IL10RB: variants seen among roughly 807,000 people sequenced by gnomAD.
IL10RB encodes the protein interleukin-10 receptor subunit beta.
Under a neutral mutation model 38.7 loss-of-function variants are expected in IL10RB, and 30 were observed. The observed-to-expected ratio is 0.78, with a 90% CI of 0.58 to 1.05. The LOEUF (loss-of-function observed/expected upper bound fraction) is 1.05. Among genes scored for constraint, IL10RB ranks in the 50% least tolerant of loss-of-function variants. The pLI is 0.00. For synonymous variants in IL10RB, 142 were observed against 145.9 expected (o/e 0.97, Z 0.19); for missense variants, 328 against 397.1 (o/e 0.83, Z 1.48).
intron 3 of IL10RB, among the ~76,000 whole-genome samples, chr21:33,277,282 C>T (rs1462599007): frequency 6.6e-6 from 1 of 150,992 alleles, no homozygotes; most frequent in East Asian, 1.9e-4. Context: ...TTGCAGTGAG[C>T]CGAGATCACG....
chr21:33,291,734 C>T (rs2843700), intron 6 of IL10RB, among the ~76,000 whole-genome samples: 66,541 of 152,006 alleles, frequency 0.44, 15,226 homozygotes, highest in Non-Finnish European at 0.51. Context: ...CTGCCCCTTC[C>T]AGAGTGGTGC....
At chr21:33,268,140 T>G in intron 1 of IL10RB, 1 of 1,193,530 alleles carries the variant, frequency 8.4e-7, no homozygotes, top group South Asian at 1.6e-5. Context: ...CCCTCATAGC[T>G]TTCTGCCACC....
downstream of IL10RB, among the ~76,000 whole-genome samples, chr21:33,301,946 C>T (rs546937236): frequency 1.3e-5 from 2 of 152,308 alleles, no homozygotes; most frequent in African/African-American, 4.8e-5. Flanking sequence ...TAATCCCTTC[C>T]TCTTGAGTGT....
In IL10RB at chr21:33,276,699, T is replaced by A; in HGVS notation, c.277T>A (p.Phe93Ile). The change falls in exon 3 of 7, where the codon TTT (phenylalanine) becomes ATT (isoleucine). Residue 93 changes from phenylalanine (F) to isoleucine (I), a missense_variant. Phe to Ile is a conservative substitution (Grantham distance 21). Transcript: ENST00000290200. ...CCACACCTTGAGAGTCAGGGCTGAA[T>A]TTGCAGATGAGCATTCAGACTGGGT... ...GDHTLRVRAE[F>I]ADEHSDWVNI... 6.2e-7 allele frequency: 1 copy of A among 1,614,068 alleles called. No individual in the cohort carries two copies. Among genetic ancestry groups the A allele is most frequent in the Non-Finnish European group, 8.5e-7 (1 of 1,179,900 alleles).
At chr21:33,288,934 A>G (rs1989431933) in intron 6 of IL10RB, among the ~76,000 whole-genome samples, 1 of 152,202 alleles carries the variant, frequency 6.6e-6, no homozygotes, top group Non-Finnish European at 1.5e-5. Flanking sequence ...TAAGATAGAG[A>G]TTTGTATTCA....
chr21:33,297,846 AAAAAG>A (rs1402714416), downstream of IL10RB, among the ~76,000 whole-genome samples: 6 of 152,086 alleles, frequency 3.9e-5, no homozygotes, highest in East Asian at 7.7e-4. Context: ...AGGAAAGAAA[AAAAAG>A]AAAAGAAAGA....
intron 6 of IL10RB, among the ~76,000 whole-genome samples, chr21:33,294,315 A>T (rs1273327742): frequency 6.6e-6 from 1 of 152,120 alleles, no homozygotes; most frequent in Admixed American, 6.6e-5. Context: ...ACTTTGAGTT[A>T]AAAAAGCACT....
At chr21:33,307,878 A>C (rs1177067592) in intron 1 of IL10RB, among the ~76,000 whole-genome samples, 2 of 152,220 alleles carry the variant, frequency 1.3e-5, no homozygotes, top group Non-Finnish European at 2.9e-5. Flanking sequence ...TGTAGGCTCC[A>C]GGAGAGCACA....
intron 5 of IL10RB, among the ~76,000 whole-genome samples, chr21:33,284,371 A>G (rs1172664978): frequency 6.6e-6 from 1 of 152,122 alleles, no homozygotes; most frequent in African/African-American, 2.4e-5. Flanking sequence ...AACTGACAAA[A>G]TCCAAACATT....
intron 4 of IL10RB, among the ~76,000 whole-genome samples, chr21:33,280,322 A>AGG (rs1450188338): frequency 6.6e-6 from 1 of 152,180 alleles, no homozygotes; most frequent in South Asian, 2.1e-4. Context: ...TCTATTCTTC[A>AGG]GGGGACAATT....
At chr21:33,307,351 G>C (rs2083001305) in intron 1 of IL10RB, among the ~76,000 whole-genome samples, 1 of 152,140 alleles carries the variant, frequency 6.6e-6, no homozygotes, top group South Asian at 2.1e-4. Context: ...TAGCAGTCTT[G>C]CCTGTTCTGG....
chr21:33,271,321 G>T (rs914732579), intron 2 of IL10RB, among the ~76,000 whole-genome samples: 1 of 152,170 alleles, frequency 6.6e-6, no homozygotes, highest in South Asian at 2.1e-4. Context: ...GCACTTCAGA[G>T]GATGTACTGG....
At chr21:33,278,705 G>T (rs927826835) in intron 3 of IL10RB, among the ~76,000 whole-genome samples, 1 of 152,208 alleles carries the variant, frequency 6.6e-6, no homozygotes, top group African/African-American at 2.4e-5. Context: ...TTGGAGATTT[G>T]CCTCTTGAAG....
At chr21:33,306,482 C>G (rs745422270) in intron 1 of IL10RB, among the ~76,000 whole-genome samples, 2 of 151,984 alleles carry the variant, frequency 1.3e-5, no homozygotes, top group Non-Finnish European at 2.9e-5. Flanking sequence ...TTTAAATACT[C>G]GAGGAACCCT....
chr21:33,294,380 T>A (rs545957038), intron 6 of IL10RB, among the ~76,000 whole-genome samples: 1 of 123,814 alleles, frequency 8.1e-6, no homozygotes, highest in East Asian at 2.2e-4. Context: ...TGTGTGTGTG[T>A]GTGTGTGTGC....
chr21:33,306,067 A>T (rs2082998266), intron 1 of IL10RB, among the ~76,000 whole-genome samples: 1 of 152,086 alleles, frequency 6.6e-6, no homozygotes, highest in Non-Finnish European at 1.5e-5. Context: ...TCTGACCTCA[A>T]GTGATCTGCC....
intron 6 of IL10RB, 28 bp from the exon 7 acceptor site, chr21:33,296,156 T>A: frequency 6.3e-7 from 1 of 1,580,118 alleles, no homozygotes; most frequent in Non-Finnish European, 8.7e-7. Context: ...AGAAAATTGA[T>A]CATTAACTGT....
chr21:33,294,244 A>G (rs935355106), intron 6 of IL10RB: 1 of 332,462 alleles, frequency 3.0e-6, no homozygotes. Flanking sequence ...ATAATGATAG[A>G]ATCCATTAAC....
Position 33,268,381 on chromosome 21 carries a change from C to G in IL10RB, c.50-13C>G, listed in dbSNP as rs748735449. On this transcript the variant is annotated splice_polypyrimidine_tract_variant and intron_variant, in intron 1 of 6. Transcript: ENST00000290200. ...GGAGAAAAGTTGTAAATGTTTTTGT[C>G]TTATTTTCATAGCATTGGGAATGGT... 3 of 1,614,114 alleles carry G rather than the reference C, an allele frequency of 1.9e-6. No homozygotes were observed. The South Asian group carries it at 3.3e-5, about 18-fold the overall frequency.
Sources: allele counts gnomAD v4.1 joint callset (sites outside exome capture counted in the v4.1 genomes callset), GRCh38; gene constraint gnomAD v4.1.1; transcripts MANE v1.5; gene names NCBI Gene and HGNC (gene_info 2026-07-23, HGNC 2026-07-21).